PARD6G: variants seen among roughly 807,000 people sequenced by gnomAD.
PARD6G encodes partitioning defective 6 homolog gamma.
Under a neutral mutation model 10.7 loss-of-function variants are expected in PARD6G, and 7 were observed. The ratio of observed to expected loss-of-function variants is 0.66; its 90% confidence interval spans 0.37 to 1.23. The LOEUF (loss-of-function observed/expected upper bound fraction) is 1.23, where lower values mean the gene tolerates loss of function less well. Ranked by LOEUF, PARD6G falls within the 50% of genes most tolerant of loss-of-function variation. The pLI, the probability that PARD6G is intolerant of heterozygous loss-of-function variation, is 0.02. For missense variants in PARD6G, 548 were observed against 571.8 expected, an observed-to-expected ratio of 0.96 and a Z score of 0.42; for synonymous variants, 287 against 269.4, an observed-to-expected ratio of 1.07 and a Z score of -0.64.
At chr18:80,240,242 T>C (rs950053737) in intron 1 of PARD6G, among the ~76,000 whole-genome samples, 1 of 152,276 alleles carries the variant, frequency 6.6e-6, no homozygotes, top group Non-Finnish European at 1.5e-5. Flanking sequence ...ACAAATCTCA[T>C]GTCCTTATGA....
intron 1 of PARD6G, among the ~76,000 whole-genome samples, chr18:80,238,890 T>C (rs111434924): frequency 6.6e-5 from 10 of 152,066 alleles, no homozygotes; most frequent in African/African-American, 2.4e-4. Context: ...AGGTGACAGA[T>C]AGACTAGTAG....
chr18:80,167,963 AG>A (rs1402038469), intron 2 of PARD6G, among the ~76,000 whole-genome samples: 2 of 152,152 alleles, frequency 1.3e-5, no homozygotes, highest in Non-Finnish European at 2.9e-5. Context: ...GTTCATAGGC[AG>A]GGGGCAAAAG....
chr18:80,218,062 T>C (rs1459525919), intron 1 of PARD6G, among the ~76,000 whole-genome samples: 4 of 152,274 alleles, frequency 2.6e-5, no homozygotes, highest in South Asian at 4.1e-4. Flanking sequence ...ATGGGGATTA[T>C]AGGAACTACA....
intron 2 of PARD6G, among the ~76,000 whole-genome samples, chr18:80,197,795 C>T (rs918506945): frequency 1.3e-5 from 2 of 152,240 alleles, no homozygotes; most frequent in East Asian, 1.9e-4. Context: ...GGGCCAGCTT[C>T]CCAAAACATT....
chr18:80,165,401 C>G lies in PARD6G; in HGVS notation c.296-4795G>C, dbSNP rs149813731. 5.5e-3 allele frequency among the ~76,000 whole-genome samples: 840 copies of G among 152,320 alleles called. 6 individuals are homozygous for G. In the Middle Eastern group the frequency reaches 0.071, roughly 13 times the overall value. On this transcript the variant is annotated intron_variant, in intron 2 of 2. Coordinates refer to ENST00000353265, the MANE Select transcript of PARD6G (RefSeq NM_032510.4). Reference sequence around the variant, plus strand: ...CAGACAGACCTTATGGTTGTCTTCCCTTGTTCCCTAAAAATCACTGTTATT... The same window carrying G: ...CAGACAGACCTTATGGTTGTCTTCCGTTGTTCCCTAAAAATCACTGTTATT...
chr18:80,211,145 A>C (rs575855059), intron 1 of PARD6G, among the ~76,000 whole-genome samples: 2 of 152,316 alleles, frequency 1.3e-5, no homozygotes, highest in Non-Finnish European at 2.9e-5. Flanking sequence ...CATGCTTGAA[A>C]TTAGATCCTC....
At chr18:80,245,129 T>A (rs1453991409) in intron 1 of PARD6G, among the ~76,000 whole-genome samples, 1 of 152,182 alleles carries the variant, frequency 6.6e-6, no homozygotes. Flanking sequence ...CAAGTGGAGC[T>A]GGCAGAAGCA....
At chr18:80,202,606 T>C in intron 2 of PARD6G, 104 bp downstream of exon 2, 1 of 925,116 alleles carries the variant, frequency 1.1e-6, no homozygotes, top group Non-Finnish European at 1.7e-6. Flanking sequence ...TACTACAGGT[T>C]AGAAAACGAA....
Position 80,188,843 on chromosome 18 carries a change from C to T in PARD6G, c.295+13867G>A, listed in dbSNP as rs962092189. On this transcript the variant is annotated intron_variant, in intron 2 of 2. Coordinates refer to ENST00000353265, the MANE Select transcript of PARD6G (RefSeq NM_032510.4). The surrounding 1 kb of genome is among the most constrained non-coding windows in gnomAD (Gnocchi z 5.4). Reference sequence around the variant, plus strand: ...GAGATGGGCTTGCGGGGAAGTCAGGCGGGTGCAATCCCTACCGTTTCCCCA... The same window carrying T: ...GAGATGGGCTTGCGGGGAAGTCAGGTGGGTGCAATCCCTACCGTTTCCCCA... 1.2e-4 allele frequency among the ~76,000 whole-genome samples: 18 copies of T among 152,248 alleles called. 1 individual carries two copies. In the Middle Eastern group the frequency reaches 0.017, roughly 144 times the overall value.
chr18:80,244,895 C>T (rs780432843), intron 1 of PARD6G, among the ~76,000 whole-genome samples: 6 of 152,100 alleles, frequency 3.9e-5, no homozygotes, highest in Non-Finnish European at 8.8e-5. Context: ...AAGCTGTGCA[C>T]AGAAGGAAGA....
chr18:80,235,548 C>CA (rs1381119998), intron 1 of PARD6G, among the ~76,000 whole-genome samples: 1 of 151,912 alleles, frequency 6.6e-6, no homozygotes, highest in Admixed American at 6.6e-5. Context: ...AAAAACCCTT[C>CA]AAAAAAATCA....
At chr18:80,190,145 G>T (rs1045940584) in intron 2 of PARD6G, among the ~76,000 whole-genome samples, 4 of 151,980 alleles carry the variant, frequency 2.6e-5, no homozygotes, top group African/African-American at 9.7e-5. Context: ...TATTATAAGG[G>T]TCATGTATCA....
chr18:80,167,479 C>T (rs534216604), intron 2 of PARD6G, among the ~76,000 whole-genome samples: 6 of 152,250 alleles, frequency 3.9e-5, no homozygotes, highest in African/African-American at 1.4e-4. Flanking sequence ...TTCAGGGCCC[C>T]GGAATGGCCT....
rs1373227576 is a variant in PARD6G, at chr18:80,175,594, G to A, written c.296-14988C>T. 2.0e-5 allele frequency among the ~76,000 whole-genome samples: 3 copies of A among 152,228 alleles called. No homozygotes were observed. In the East Asian group the frequency reaches 5.8e-4, roughly 29 times the overall value. On this transcript the variant is annotated intron_variant, in intron 2 of 2. Coordinates refer to ENST00000353265, the MANE Select transcript of PARD6G (RefSeq NM_032510.4). This position sits in a 1 kb window ranked among gnomAD's most constrained non-coding sequence, Gnocchi z 6.7. ...CTTCGACATCAGAACCTGGGGTGAC[G>A]TATCGATTCAGTGCACTACGCACAC...
At chr18:80,168,287 G>A (rs192467701) in intron 2 of PARD6G, among the ~76,000 whole-genome samples, 3 of 152,260 alleles carry the variant, frequency 2.0e-5, no homozygotes, top group Admixed American at 6.5e-5. Flanking sequence ...ACAACAATCC[G>A]TTTCTCCATC....
chr18:80,198,711 A>T (rs1020993373), intron 2 of PARD6G, among the ~76,000 whole-genome samples: 1 of 152,176 alleles, frequency 6.6e-6, no homozygotes, highest in Non-Finnish European at 1.5e-5. Context: ...AAAGTTTTGA[A>T]CAAATATGTT....
At chr18:80,193,227 C>T (rs1003385629) in intron 2 of PARD6G, among the ~76,000 whole-genome samples, 1 of 152,118 alleles carries the variant, frequency 6.6e-6, no homozygotes, top group Non-Finnish European at 1.5e-5. Context: ...AGTACACAGG[C>T]GCTGGGAGAA....
In PARD6G at chr18:80,228,893, T is replaced by C. The variant is rs1411903597; in HGVS notation, c.72+18384A>G. On this transcript the variant is annotated intron_variant, in intron 1 of 2. Transcript: ENST00000353265. The surrounding 1 kb of genome is among the most constrained non-coding windows in gnomAD (Gnocchi z 4.6). ...GGAAACAGTAAGTGCATCAAACACA[T>C]GAAAGCACATTTCCAGGTGGAGATA... Among the ~76,000 whole-genome samples the C allele has an allele frequency of 1.3e-5, 2 of 152,302 alleles. No homozygotes were observed. The highest frequency in any genetic ancestry group is 3.9e-4 in the East Asian group (2 of 5,186).
In PARD6G at chr18:80,188,947, A is replaced by T. The variant is rs558960799; in HGVS notation, c.295+13763T>A. Among the ~76,000 whole-genome samples, 12 of 152,192 alleles carry T rather than the reference A, an allele frequency of 7.9e-5. No homozygotes were observed. The highest frequency in any genetic ancestry group is 1.6e-4 in the Non-Finnish European group (11 of 68,030). On this transcript the variant is annotated intron_variant, in intron 2 of 2. Coordinates refer to ENST00000353265, the MANE Select transcript of PARD6G (RefSeq NM_032510.4). This position sits in a 1 kb window ranked among gnomAD's most constrained non-coding sequence, Gnocchi z 5.4. ...GGGGGGTGAATGCAGACATGGGAAG[A>T]GTAGTGCTCATCCCAGCAGAGGCAG... is the stretch of plus-strand genomic sequence containing the variant.
Sources: allele counts gnomAD v4.1 joint callset (sites outside exome capture counted in the v4.1 genomes callset), GRCh38; gene constraint gnomAD v4.1.1; non-coding constraint Gnocchi (gnomAD v3.1); transcripts MANE v1.5; gene names NCBI Gene and HGNC (gene_info 2026-07-23, HGNC 2026-07-21).